GRAMD1C: variants seen among roughly 807,000 people sequenced by gnomAD.
GRAMD1C encodes the protein GRAM domain containing 1C, also known as protein Aster-C.
In GRAMD1C, 89 loss-of-function variants were observed where a neutral mutation model predicts 97.8. The ratio of observed to expected loss-of-function variants is 0.91; its 90% CI spans 0.77 to 1.09. GRAMD1C has a LOEUF of 1.09. GRAMD1C is among the 50% of genes least tolerant of loss of function. GRAMD1C has a pLI of 0.00. For missense variants in GRAMD1C, 740 were observed against 766.4 expected (o/e 0.97, Z 0.41); for synonymous variants, 256 against 267.0 (o/e 0.96, Z 0.40).
At chr3:113,835,873 A>G (rs1403118684), upstream of GRAMD1C, among the ~76,000 whole-genome samples, 1 of 152,232 alleles carries the variant, frequency 6.6e-6, no homozygotes, top group African/African-American at 2.4e-5. Flanking sequence ...AACAGAACAC[A>G]GTTTATGCAA....
At chr3:113,863,178 A>G (rs1934461011) in intron 2 of GRAMD1C, among the ~76,000 whole-genome samples, 1 of 152,228 alleles carries the variant, frequency 6.6e-6, no homozygotes, top group Non-Finnish European at 1.5e-5. Flanking sequence ...AGTTGAAACA[A>G]CTTGAACATT....
chr3:113,883,448 C>T (rs1436012952), intron 6 of GRAMD1C, among the ~76,000 whole-genome samples: 3 of 151,756 alleles, frequency 2.0e-5, no homozygotes, highest in East Asian at 1.9e-4. Context: ...TCACCTGAGC[C>T]CAGGATGTCG....
intron 3 of GRAMD1C, among the ~76,000 whole-genome samples, chr3:113,873,466 A>G (rs921554033): frequency 6.6e-6 from 1 of 152,176 alleles, no homozygotes. Flanking sequence ...GACGCAACCC[A>G]GAACTATTTA....
At chr3:113,908,475 C>T (rs1936446995) in intron 8 of GRAMD1C, among the ~76,000 whole-genome samples, 1 of 152,038 alleles carries the variant, frequency 6.6e-6, no homozygotes, top group African/African-American at 2.4e-5. Flanking sequence ...CTTCTCTCTC[C>T]CACTGTACTC....
intron 10 of GRAMD1C, chr3:113,919,833 A>AACATATGG (rs759793901): frequency 5.6e-5 from 36 of 644,648 alleles, no homozygotes; most frequent in African/African-American, 5.3e-4. Flanking sequence ...ATAAAAATAC[A>AACATATGG]ACATATGGAG....
At chr3:113,872,373 C>T (rs1934851749) in intron 3 of GRAMD1C, among the ~76,000 whole-genome samples, 1 of 149,448 alleles carries the variant, frequency 6.7e-6, no homozygotes, top group Non-Finnish European at 1.5e-5. Flanking sequence ...ACTATGAATC[C>T]ACTTCATTCT....
intron 2 of GRAMD1C, among the ~76,000 whole-genome samples, chr3:113,866,123 T>C (rs1370530992): frequency 6.6e-6 from 1 of 152,202 alleles, no homozygotes; most frequent in Non-Finnish European, 1.5e-5. Context: ...TCAAGTCTCT[T>C]ATATCCTTGC....
chr3:113,923,964 T>G (rs1937148434), intron 10 of GRAMD1C, among the ~76,000 whole-genome samples: 1 of 152,094 alleles, frequency 6.6e-6, no homozygotes, highest in Non-Finnish European at 1.5e-5. Flanking sequence ...GAACTCATTC[T>G]TTGTCTGTGC....
intron 2 of GRAMD1C, among the ~76,000 whole-genome samples, chr3:113,851,444 A>C (rs944749492): frequency 6.6e-6 from 1 of 152,086 alleles, no homozygotes; most frequent in Non-Finnish European, 1.5e-5. Context: ...TATGCAAATA[A>C]TAACTAGTAT....
chr3:113,865,173 T>C (rs1279311201), intron 2 of GRAMD1C, among the ~76,000 whole-genome samples: 1 of 152,154 alleles, frequency 6.6e-6, no homozygotes, highest in Admixed American at 6.5e-5. Flanking sequence ...AATAACCTGC[T>C]CTTTTGGTAA....
chr3:113,945,736 G>T lies in GRAMD1C; in HGVS notation c.*258G>T. The T allele has an allele frequency of 2.7e-6, 1 of 372,230 alleles. No homozygotes were observed. Among genetic ancestry groups the T allele is most frequent in the Non-Finnish European group, 4.8e-6 (1 of 207,154 alleles). The allele number at this position is 372,230 out of a possible 1,614,324, so 23.1% of individuals were successfully genotyped here. A position where few individuals can be genotyped will look rare whatever the true frequency, so the allele number is the denominator to read the frequency against. Reference sequence around the variant, plus strand: ...GAACCATGAAATATATTATAGAACTGAATTTCTCTGATACAAAAAGAAAAT... The same window carrying T: ...GAACCATGAAATATATTATAGAACTTAATTTCTCTGATACAAAAAGAAAAT... On this transcript the variant is annotated 3_prime_UTR_variant, in exon 18 of 18. Transcript: ENST00000358160.
chr3:113,943,623 C>T (rs1937913204), intron 17 of GRAMD1C, among the ~76,000 whole-genome samples: 1 of 152,142 alleles, frequency 6.6e-6, no homozygotes, highest in South Asian at 2.1e-4. Flanking sequence ...TAGTTAAAAA[C>T]ATCTCCTTGG....
At chr3:113,930,092 C>T (rs1937355137) in intron 10 of GRAMD1C, among the ~76,000 whole-genome samples, 1 of 151,836 alleles carries the variant, frequency 6.6e-6, no homozygotes, top group Admixed American at 6.6e-5. Context: ...CTATATTGTC[C>T]CTAAGCAAAT....
chr3:113,938,025 AT>A, intron 14 of GRAMD1C, 60 bp from the exon 15 acceptor site: 5 of 835,236 alleles, frequency 6.0e-6, no homozygotes, highest in African/African-American at 1.8e-5. Context: ...AAAAAAAAAA[AT>A]TTGGATCAGT....
In GRAMD1C at chr3:113,934,167, T is replaced by C. The variant is rs112055179; in HGVS notation, c.1353-265T>C. Among the ~76,000 whole-genome samples, 538 of 152,324 alleles carry C rather than the reference T, an allele frequency of 3.5e-3. 5 individuals carry two copies. The highest frequency in any genetic ancestry group is 0.012 in the African/African-American group (519 of 41,554). ...ATTTAGTATTTATTTTGAGCCTTCA[T>C]TGCTATTTAGATAAATAAAATTTAG... On this transcript the variant is annotated intron_variant, in intron 12 of 17. Transcript: ENST00000358160.
intron 2 of GRAMD1C, among the ~76,000 whole-genome samples, chr3:113,862,515 T>C (rs573593877): frequency 7.2e-5 from 11 of 152,332 alleles, no homozygotes; most frequent in African/African-American, 2.4e-4. Flanking sequence ...TATCCTGTTC[T>C]TTTTTCAAGG....
intron 1 of GRAMD1C, among the ~76,000 whole-genome samples, chr3:113,830,697 T>C (rs986344270): frequency 1.6e-4 from 24 of 152,234 alleles, no homozygotes; most frequent in Non-Finnish European, 3.4e-4. Context: ...ACCACTGTTT[T>C]CTTGTGGTTC....
intron 2 of GRAMD1C, among the ~76,000 whole-genome samples, chr3:113,850,996 G>C (rs1933878410): frequency 6.6e-6 from 1 of 151,890 alleles, no homozygotes; most frequent in South Asian, 2.1e-4. Context: ...TAGAGACAGG[G>C]TTTCACCATG....
intron 2 of GRAMD1C, among the ~76,000 whole-genome samples, chr3:113,846,474 A>C (rs1251500283): frequency 6.6e-6 from 1 of 152,188 alleles, no homozygotes; most frequent in Non-Finnish European, 1.5e-5. Context: ...GGGACTATCT[A>C]CAGGGCTAAG....
Sources: gnomAD v4.1 joint callset for allele counts (sites outside exome capture counted in the v4.1 genomes callset) on GRCh38, gnomAD v4.1.1 for gene constraint, MANE v1.5 for transcripts, NCBI Gene and HGNC (gene_info 2026-07-23, HGNC 2026-07-21) for gene names.